The following TCHH variants were observed in gnomAD, a reference collection of about 807,000 sequenced individuals.
TCHH encodes trichohyalin.
TCHH carries 6 observed loss-of-function variants against 6.3 expected under a neutral mutation model. The ratio of observed to expected loss-of-function variants is 0.95; its 90% CI spans 0.52 to 1.88. The LOEUF (loss-of-function observed/expected upper bound fraction) is 1.88. TCHH is among the 40% of genes most tolerant of loss of function. The pLI is 0.01. For synonymous variants in TCHH, 1,087 were observed against 963.6 expected (o/e 1.13, Z -2.37); for missense variants, 2,920 against 2,449.1 (o/e 1.19, Z -4.06).
chr1:152,114,317 C>T (rs912355559), intron 1 of TCHH, among the ~76,000 whole-genome samples: 2 of 152,348 alleles, frequency 1.3e-5, no homozygotes, highest in Middle Eastern at 3.4e-3. Flanking sequence ...GAATCATCTT[C>T]AGACTATCCT....
Position 152,114,100 on chromosome 1 carries a change from G to T in TCHH, c.-20C>A. The T allele has an allele frequency of 6.3e-7, 1 of 1,595,114 alleles. No homozygotes were observed. Among genetic ancestry groups the T allele is most frequent in the Non-Finnish European group, 8.5e-7 (1 of 1,174,642 alleles). On this transcript the variant is annotated 5_prime_UTR_variant, in exon 2 of 3. Transcript: ENST00000614923. ...AGACATTTTTTTTTCTTTCCTTCAA[G>T]TTCAAGTAAACCTAGAACAATAAAA...
Position 152,108,926 on chromosome 1 carries a change from T to C in TCHH, c.4291A>G (p.Lys1431Glu). The change falls in exon 3 of 3, where the codon AAA (lysine) becomes GAA (glutamate). Residue 1431 changes from lysine (K) to glutamate (E), a missense_variant. By Grantham distance (56) the Lys-to-Glu change is moderately conservative (BLOSUM62 1). Coordinates refer to ENST00000614923, the MANE Select transcript of TCHH (RefSeq NM_007113.4). ...QQLSRQERDR[K>E]FREEEQQVRR... Reference sequence around the variant, plus strand: ...ACCTGCTGTTCCTCTTCACGGAATTTTCTGTCACGCTCTTGGCGGCTCAGC... The same window carrying C: ...ACCTGCTGTTCCTCTTCACGGAATTCTCTGTCACGCTCTTGGCGGCTCAGC... The C allele has an allele frequency of 6.2e-7, 1 of 1,613,240 alleles. No individual in the cohort carries two copies. The highest frequency in any genetic ancestry group is 8.5e-7 in the Non-Finnish European group (1 of 1,179,846).
chr1:152,112,513 T>C lies in TCHH; in HGVS notation c.704A>G (p.Asp235Gly). The C allele has an allele frequency of 3.1e-6, 5 of 1,613,498 alleles. No individual in the cohort carries two copies. Among genetic ancestry groups the C allele is most frequent in the Non-Finnish European group, 4.2e-6 (5 of 1,179,990 alleles). The part of the protein sequence containing the change: ...EKQQQRRERQ[D>G]RVFQEEEEKE... ...CTCTTCTTCCTCCTGGAACACTCTG[T>C]CTTGCCGCTCTCGCCTTTGCTGCTG... Residue 235 changes from aspartate to glycine, a missense_variant, in exon 3 of 3, where the codon GAC becomes GGC. By Grantham distance (94) the Asp-to-Gly change is moderately conservative. Transcript: ENST00000614923.
Position 152,109,923 on chromosome 1 carries a change from C to T in TCHH, c.3294G>A (p.Pro1098=). 2 of 1,591,070 alleles carry T rather than the reference C, an allele frequency of 1.3e-6. No individual in the cohort carries two copies. Among genetic ancestry groups the T allele is most frequent in the African/African-American group, 1.4e-5 (1 of 72,994 alleles). Residue 1098 remains proline (P), a synonymous_variant, in exon 3 of 3, where the codon CCG becomes CCA. Coordinates refer to ENST00000614923, the MANE Select transcript of TCHH (RefSeq NM_007113.4). ...QEEEQLLREE[P]EKRRRQERER... ...CCCGCTCCTGGCGCCTTCTCTTCTC[C>T]GGTTCCTCTCTCAGCAGCTGCTCTT...
At position 152,109,379 on chromosome 1, in the gene TCHH, C is replaced by G. The variant is rs773192187; in HGVS notation, c.3838G>C (p.Glu1280Gln). ...TGCTGCCAGCGCCTCCTCTCTTGCT[C>G]ACGATCTCGCTCTTGCTGTTCACCC... Reference protein sequence around the residue: ...LLGEQQERDREQERRRWQQRD... With the variant: ...LLGEQQERDRQQERRRWQQRD... The change falls in exon 3 of 3, where the codon GAG (glutamate) becomes CAG (glutamine). Residue 1280 changes from glutamate to glutamine, a missense_variant. Physicochemically the swap from Glu to Gln is conservative, Grantham distance 29. Coordinates refer to ENST00000614923, the MANE Select transcript of TCHH (RefSeq NM_007113.4). 5.0e-6 allele frequency: 8 copies of G among 1,614,248 alleles called. No homozygotes were observed. The highest frequency in any genetic ancestry group is 2.5e-6 in the Non-Finnish European group (3 of 1,180,040).
rs745997477 is a variant in TCHH at position 152,110,510 on chromosome 1, G to T, written c.2707C>A (p.Gln903Lys). 3 of 1,614,088 alleles carry T rather than the reference G, an allele frequency of 1.9e-6. No individual in the cohort carries two copies. The highest frequency in any genetic ancestry group is 1.1e-5 in the South Asian group (1 of 91,078). Residue 903 changes from glutamine to lysine, a missense_variant, in exon 3 of 3, where the codon CAG becomes AAG. Physicochemically the swap from Gln to Lys is moderately conservative, Grantham distance 53. Coordinates refer to ENST00000614923, the MANE Select transcript of TCHH (RefSeq NM_007113.4). ...TCCTCCTCCTCCTGCAGCAGCTGCT[G>T]TTCCTTCCTCAGCTGCTCTTGTAGG... is the stretch of plus-strand genomic sequence containing the variant. ...PALQEQLRKE[Q>K]QLLQEEEEEL...
chr1:152,109,572 C>T lies in TCHH; in HGVS notation c.3645G>A (p.Arg1215=), dbSNP rs1453289059. ...LQRQKRKQRY[R]DEDQRSDLKW... ...TCAGATCACTGCGCTGATCCTCATC[C>T]CGGTATCGCTGCTTCCTTTTCTGGC... Residue 1215 remains arginine, a synonymous_variant, in exon 3 of 3, where the codon CGG becomes CGA. Coordinates refer to ENST00000614923, the MANE Select transcript of TCHH (RefSeq NM_007113.4). 5 of 1,614,246 alleles carry T rather than the reference C, an allele frequency of 3.1e-6. No homozygotes were observed. The highest frequency in any genetic ancestry group is 4.2e-6 in the Non-Finnish European group (5 of 1,180,046).
rs1380834520 is a variant in TCHH at position 152,111,585 on chromosome 1, C to G, written c.1632G>C (p.Glu544Asp). The change falls in exon 3 of 3, where the codon GAG becomes GAC. Residue 544 changes from glutamate (E) to aspartate (D), a missense_variant. Transcript: ENST00000614923. The part of the protein sequence containing the change: ...SEQQLRREQE[E>D]RREQLLKREE... The stretch of plus-strand genomic sequence containing the variant: ...CGCGCTTCAGCAGCTGCTCGCGCCT[C>G]TCCTCCTGCTCGCGTCTTAGTTGTT... The G allele has an allele frequency of 1.4e-5, 23 of 1,608,148 alleles. No homozygotes were observed. The highest frequency in any genetic ancestry group is 2.2e-5 in the East Asian group (1 of 44,464).
In TCHH at chr1:152,109,066, C is replaced by A; in HGVS notation, c.4151G>T (p.Arg1384Leu). The change falls in exon 3 of 3, where the codon CGC becomes CTC. Residue 1384 changes from arginine (R) to leucine (L), a missense_variant. Coordinates refer to ENST00000614923, the MANE Select transcript of TCHH (RefSeq NM_007113.4). ...RKFLEEEQRL[R>L]RQERERKFLK... is the part of the protein sequence containing the mutation. Reference sequence around the variant, plus strand: ...GAATTTTCTCTCCCGTTCCTGGCGGCGCAGCCGCTGTTCCTCCTCGAGGAA... The same window carrying A: ...GAATTTTCTCTCCCGTTCCTGGCGGAGCAGCCGCTGTTCCTCCTCGAGGAA... 6.2e-7 allele frequency: 1 copy of A among 1,612,798 alleles called. No individual in the cohort carries two copies. The highest frequency in any genetic ancestry group is 8.5e-7 in the Non-Finnish European group (1 of 1,179,682).
Position 152,108,965 on chromosome 1 carries a change from C to T in TCHH, c.4252G>A (p.Glu1418Lys). ...LRQDRDRKFR[E>K]EEQQLSRQER... is the part of the protein sequence containing the mutation. The stretch of plus-strand genomic sequence containing the variant: ...TGGCGGCTCAGCTGCTGTTCCTCCT[C>T]GCGGAATTTTCTGTCGCGGTCCTGA... Residue 1418 changes from glutamate to lysine, a missense_variant, in exon 3 of 3, where the codon GAG (glutamate) becomes AAG (lysine). Coordinates refer to ENST00000614923, the MANE Select transcript of TCHH (RefSeq NM_007113.4). The T allele has an allele frequency of 5.0e-6, 8 of 1,612,302 alleles. No homozygotes were observed. Among genetic ancestry groups the T allele is most frequent in the Admixed American group, 3.3e-5 (2 of 59,846 alleles).
At position 152,109,501 on chromosome 1, in the gene TCHH, T is replaced by G; in HGVS notation, c.3716A>C (p.Lys1239Thr). Residue 1239 changes from lysine to threonine, a missense_variant, in exon 3 of 3, where the codon AAG becomes ACG. Transcript: ENST00000614923. Reference protein sequence around the residue: ...PEKENAVRDNKVYCKGRENEQ... With the variant: ...PEKENAVRDNTVYCKGRENEQ... Reference sequence around the variant, plus strand: ...ATTCTCTCTGCCTTTGCAGTAAACCTTGTTATCACGAACTGCATTTTCTTT... The same window carrying G: ...ATTCTCTCTGCCTTTGCAGTAAACCGTGTTATCACGAACTGCATTTTCTTT... The G allele has an allele frequency of 6.2e-7, 1 of 1,614,272 alleles. No homozygotes were observed. Among genetic ancestry groups the G allele is most frequent in the Non-Finnish European group, 8.5e-7 (1 of 1,180,058 alleles).
At position 152,110,553 on chromosome 1, in the gene TCHH, C is replaced by A. The variant is rs1234302576; in HGVS notation, c.2664G>T (p.Thr888=). ...CTTGTAGGGCTGGCTTGGCGTACAG[C>A]GTGTGGCGGCGTCTCTTCCTTTCTT... is the stretch of plus-strand genomic sequence containing the variant. The part of the protein sequence containing the change: ...LEEERKRRRH[T]LYAKPALQEQ... The change falls in exon 3 of 3, where the codon ACG becomes ACT. Residue 888 remains threonine, a synonymous_variant. Transcript: ENST00000614923. 6.2e-7 allele frequency: 1 copy of A among 1,614,182 alleles called. No individual in the cohort carries two copies. The highest frequency in any genetic ancestry group is 8.5e-7 in the Non-Finnish European group (1 of 1,180,032).
Position 152,110,158 on chromosome 1 carries a change from T to G in TCHH, c.3059A>C (p.Tyr1020Ser), listed in dbSNP as rs769212310. The G allele has an allele frequency of 3.1e-6, 5 of 1,604,298 alleles. No homozygotes were observed. The South Asian group carries it at 5.5e-5, about 18-fold the overall frequency. Reference protein sequence around the residue: ...KRRRQEWERQYRKKDELQQEE... With the variant: ...KRRRQEWERQSRKKDELQQEE... ...CTGCTGCAGCTCGTCTTTTTTGCGG[T>G]ACTGCCTCTCCCACTCCTGGCGCCT... Residue 1020 changes from tyrosine to serine, a missense_variant, in exon 3 of 3, where the codon TAC (tyrosine) becomes TCC (serine). Physicochemically the swap from Tyr to Ser is moderately radical, Grantham distance 144 (BLOSUM62 -2). Transcript: ENST00000614923.
rs761100037 is a variant in TCHH at position 152,109,400 on chromosome 1, C to A, written c.3817G>T (p.Glu1273Ter). The change falls in exon 3 of 3, where the codon GAA becomes TAA. Residue 1273 changes from glutamate to a stop codon, truncating the protein, a stop_gained. Coordinates refer to ENST00000614923, the MANE Select transcript of TCHH (RefSeq NM_007113.4). LOFTEE classifies it low-confidence loss of function (END_TRUNC). ...SQQDLQHLLG[E>*]QQERDREQER... ...TGCTCACGATCTCGCTCTTGCTGTT[C>A]ACCCAGCAGGTGCTGCAGATCTTGC... 9 of 1,614,236 alleles carry A rather than the reference C, an allele frequency of 5.6e-6. No homozygotes were observed. The highest frequency in any genetic ancestry group is 5.9e-6 in the Non-Finnish European group (7 of 1,180,006).
rs781778354 is a variant in TCHH, at chr1:152,108,605, G to C, written c.4612C>G (p.Gln1538Glu). 24 of 1,601,068 alleles carry C rather than the reference G, an allele frequency of 1.5e-5. No homozygotes were observed. The highest frequency in any genetic ancestry group is 2.0e-5 in the Non-Finnish European group (24 of 1,174,920). ...QRQRKFLQEE[Q>E]QLRRQERGQQ... ...CCGCGCTCCTGGCGGCGCAGCTGCTGTTCCTCCTGGAGGAATTTTCTCTGC... is the reference window on the plus strand; with the variant it reads ...CCGCGCTCCTGGCGGCGCAGCTGCTCTTCCTCCTGGAGGAATTTTCTCTGC... The change falls in exon 3 of 3, where the codon CAG (glutamine) becomes GAG (glutamate). Residue 1538 changes from glutamine to glutamate, a missense_variant. Coordinates refer to ENST00000614923, the MANE Select transcript of TCHH (RefSeq NM_007113.4).
Position 152,112,186 on chromosome 1 carries a change from T to G in TCHH, c.1031A>C (p.Glu344Ala). 6.3e-7 allele frequency: 1 copy of G among 1,588,388 alleles called. No individual in the cohort carries two copies. Among genetic ancestry groups the G allele is most frequent in the South Asian group, 1.1e-5 (1 of 90,208 alleles). The change falls in exon 3 of 3, where the codon GAG becomes GCG. Residue 344 changes from glutamate (E) to alanine (A), a missense_variant. Coordinates refer to ENST00000614923, the MANE Select transcript of TCHH (RefSeq NM_007113.4). ...RREQQLRREQ[E>A]ERREQQLRRE... ...CCTCAGCTGCTGCTCGCGCCTCTCCTCCTGCTCGCGCCTCAGCTGCTGCTC... is the reference window on the plus strand; with the variant it reads ...CCTCAGCTGCTGCTCGCGCCTCTCCGCCTGCTCGCGCCTCAGCTGCTGCTC...
At position 152,110,775 on chromosome 1, in the gene TCHH, C is replaced by T; in HGVS notation, c.2442G>A (p.Glu814=). The change falls in exon 3 of 3, where the codon GAG becomes GAA. Residue 814 remains glutamate (E), a synonymous_variant. Transcript: ENST00000614923. ...GGCGGCGCCGCTGCTCCTTCTCCTC[C>T]TCCTCCGGGAGAAACCGTTGTTCCC... is the stretch of plus-strand genomic sequence containing the variant. ...QQREQRFLPE[E]EEKEQRRRQR... 6.2e-7 allele frequency: 1 copy of T among 1,607,732 alleles called. No individual in the cohort carries two copies. Among genetic ancestry groups the T allele is most frequent in the Non-Finnish European group, 8.5e-7 (1 of 1,179,842 alleles).
rs780776545 is a variant in TCHH, at chr1:152,107,392, C to A, written c.5825G>T (p.Arg1942Leu). 1.0e-5 allele frequency: 16 copies of A among 1,555,840 alleles called. No homozygotes were observed. In the South Asian group the frequency reaches 1.7e-4, roughly 17 times the overall value. The change falls in exon 3 of 3, where the codon CGC becomes CTC. Residue 1942 changes from arginine to leucine, a missense_variant. Coordinates refer to ENST00000614923, the MANE Select transcript of TCHH (RefSeq NM_007113.4). The stretch of plus-strand genomic sequence containing the variant: ...AGATATTGGCAACATCACTTAAGGG[C>A]GGTATTGAGATCTCTGCTCTTGGAT... ...EYIQEQRSQY[R>L]P
Position 152,112,253 on chromosome 1 carries a change from G to T in TCHH, c.964C>A (p.Arg322Ser), listed in dbSNP as rs1658400497. 2 of 1,585,448 alleles carry T rather than the reference G, an allele frequency of 1.3e-6. No homozygotes were observed. Among genetic ancestry groups the T allele is most frequent in the Non-Finnish European group, 8.5e-7 (1 of 1,172,142 alleles). The change falls in exon 3 of 3, where the codon CGC (arginine) becomes AGC (serine). Residue 322 changes from arginine to serine, a missense_variant. Arg to Ser is a moderately radical substitution (Grantham distance 110). Coordinates refer to ENST00000614923, the MANE Select transcript of TCHH (RefSeq NM_007113.4). ...TGCTCGCGCCTCTCCTGCTGCTCGC[G>T]CCTCTCCTCCTGCTGCTCGCGCCTC... ...EERREQQEERREQQERREQQE... is the reference protein window; with the variant it reads ...EERREQQEERSEQQERREQQE...
Sources: allele counts gnomAD v4.1 joint callset (sites outside exome capture counted in the v4.1 genomes callset), GRCh38; gene constraint gnomAD v4.1.1; transcripts MANE v1.5; gene names NCBI Gene and HGNC (gene_info 2026-07-23, HGNC 2026-07-21).